Variants in NCAPH observed in about 807,000 individuals in gnomAD.
NCAPH encodes the protein non-SMC condensin I complex subunit H, also known as condensin complex subunit 2.
Under a neutral mutation model 85.5 loss-of-function variants are expected in NCAPH, and 38 were observed. The observed-to-expected ratio is 0.44, with a 90% CI of 0.34 to 0.58. NCAPH has a LOEUF of 0.58. NCAPH is among the 20% of genes least tolerant of loss of function. The probability of loss-of-function intolerance (pLI) is 0.01; values close to 1 mark genes in which losing one functional copy is unlikely to be tolerated. For synonymous variants in NCAPH, 301 were observed against 335.1 expected, an observed-to-expected ratio of 0.90 and a Z score of 1.11; for missense variants, 789 against 916.6, an observed-to-expected ratio of 0.86 and a Z score of 1.80.
intron 6 of NCAPH, among the ~76,000 whole-genome samples, chr2:96,348,540 G>C (rs1294345926): frequency 1.3e-5 from 2 of 151,812 alleles, no homozygotes; most frequent in Non-Finnish European, 2.9e-5. Flanking sequence ...ATCTGAAGTG[G>C]TATTATTTAT....
At chr2:96,336,454 A>G (rs1334194745) in intron 1 of NCAPH, among the ~76,000 whole-genome samples, 1 of 152,196 alleles carries the variant, frequency 6.6e-6, no homozygotes, top group Non-Finnish European at 1.5e-5. Flanking sequence ...TTAGGCAGAT[A>G]CTAGGGAACG....
chr2:96,357,761 A>G (rs745783062), intron 9 of NCAPH, among the ~76,000 whole-genome samples: 58 of 152,142 alleles, frequency 3.8e-4, no homozygotes, highest in Non-Finnish European at 6.8e-4. Flanking sequence ...TTGTTTTTTA[A>G]AATTCTGTAT....
intron 14 of NCAPH, 76 bp from the exon 15 acceptor site, chr2:96,367,181 C>T: frequency 2.0e-6 from 2 of 1,014,382 alleles, no homozygotes; most frequent in South Asian, 1.4e-5. Context: ...GAACTCCAGA[C>T]CTTTGTTTTT....
intron 17 of NCAPH, among the ~76,000 whole-genome samples, chr2:96,372,140 G>T (rs2064782827): frequency 6.6e-6 from 1 of 152,208 alleles, no homozygotes; most frequent in African/African-American, 2.4e-5. Context: ...GGCTGGTTGT[G>T]GTGAAGTTCG....
intron 12 of NCAPH, among the ~76,000 whole-genome samples, chr2:96,361,697 A>AAT (rs1292109008): frequency 6.7e-6 from 1 of 148,840 alleles, no homozygotes; most frequent in East Asian, 2.0e-4. Flanking sequence ...GGAGTGTATT[A>AAT]AGACTTTATA....
chr2:96,362,730 C>CT (rs1339132553), intron 12 of NCAPH, among the ~76,000 whole-genome samples: 13 of 152,162 alleles, frequency 8.5e-5, no homozygotes, highest in Non-Finnish European at 1.9e-4. Context: ...GATGATGTGA[C>CT]TACATTGGTA....
At chr2:96,342,282 A>C (rs1573064929) in intron 3 of NCAPH, 142 bp downstream of exon 3, 2 of 815,348 alleles carry the variant, frequency 2.5e-6, no homozygotes, top group African/African-American at 3.4e-5. Flanking sequence ...TTTACTGTTT[A>C]CTCTGGACCC....
At chr2:96,365,225 G>A (rs2064678308) in intron 13 of NCAPH, among the ~76,000 whole-genome samples, 1 of 152,146 alleles carries the variant, frequency 6.6e-6, no homozygotes, top group African/African-American at 2.4e-5. Flanking sequence ...GGAAAGGGGG[G>A]AACGAACTGG....
chr2:96,339,504 A>G (rs982900729), intron 1 of NCAPH, among the ~76,000 whole-genome samples: 4 of 150,940 alleles, frequency 2.7e-5, no homozygotes, highest in African/African-American at 7.3e-5. Flanking sequence ...AGGCAGGAGA[A>G]TTGCTTGAAC....
At chr2:96,350,587 G>T (rs1268968303) in intron 6 of NCAPH, among the ~76,000 whole-genome samples, 1 of 152,176 alleles carries the variant, frequency 6.6e-6, no homozygotes, top group Non-Finnish European at 1.5e-5. Flanking sequence ...GATGCACTGG[G>T]AGGAAACCGA....
At chr2:96,358,455 A>T (rs1314243766) in intron 9 of NCAPH, among the ~76,000 whole-genome samples, 2 of 152,048 alleles carry the variant, frequency 1.3e-5, no homozygotes, top group African/African-American at 4.8e-5. Context: ...CTAGCTGTAG[A>T]TTCTTACCCA....
At position 96,348,842 on chromosome 2, in the gene NCAPH, G is replaced by C. The variant is rs567306385; in HGVS notation, c.721-2989G>C. ...TTTTTGTATTTTTAGTAGAGATGGG[G>C]TTTCACCATGGTGACCAGGCTAGTC... On this transcript the variant is annotated intron_variant, in intron 6 of 17. Transcript: ENST00000240423. Among the ~76,000 whole-genome samples the C allele has an allele frequency of 2.0e-5, 3 of 151,894 alleles. No individual in the cohort carries two copies. In the East Asian group the frequency reaches 5.9e-4, roughly 30 times the overall value.
At chr2:96,369,618 T>G in intron 17 of NCAPH, 118 bp downstream of exon 17, 1 of 1,049,688 alleles carries the variant, frequency 9.5e-7, no homozygotes, top group Non-Finnish European at 1.4e-6. Context: ...CAGTGACTTA[T>G]GTAGCACCTT....
Position 96,366,175 on chromosome 2 carries a change from C to T in NCAPH, c.1881+117C>T, listed in dbSNP as rs114989216. The T allele has an allele frequency of 1.6e-3, 1,939 of 1,182,864 alleles. 3 individuals carry two copies. Among genetic ancestry groups the T allele is most frequent in the Non-Finnish European group, 2.0e-3 (1,728 of 846,182 alleles). 73.3% of individuals were successfully genotyped at this position (1,182,864 alleles called of 1,614,324 possible). ...TTTTCTTCTCAGTTTTAACCTGTTG[C>T]TCTCCAAGTTTTAAATAGGGTTGTG... On this transcript the variant is annotated intron_variant, in intron 14 of 17. Transcript: ENST00000240423.
intron 5 of NCAPH, 75 bp from the exon 6 acceptor site, chr2:96,344,030 A>G (rs1282566995): frequency 5.2e-6 from 8 of 1,538,366 alleles, no homozygotes; most frequent in African/African-American, 1.4e-5. Context: ...ACAGGTTTTG[A>G]AGAACTTGAG....
At position 96,354,192 on chromosome 2, in the gene NCAPH, G is replaced by GC; in HGVS notation, c.1015dup (p.Leu339ProfsTer6). On this transcript the variant is annotated frameshift_variant, in exon 9 of 18. Transcript: ENST00000240423. LOFTEE classifies it high-confidence loss of function. The stretch of plus-strand genomic sequence containing the variant: ...TCTTTTGTCCCTCCAGTCTGTGTCG[G>GC]CCCTGGTAGACAAGTTTAAGAAGAA... 6.2e-7 allele frequency: 1 copy of GC among 1,613,746 alleles called. No individual in the cohort carries two copies. Among genetic ancestry groups the GC allele is most frequent in the African/African-American group, 1.3e-5 (1 of 75,020 alleles).
intron 1 of NCAPH, among the ~76,000 whole-genome samples, chr2:96,337,043 T>C (rs928984974): frequency 6.6e-6 from 1 of 152,146 alleles, no homozygotes; most frequent in African/African-American, 2.4e-5. Context: ...TCTCATGAAG[T>C]TGGAATAGGA....
intron 6 of NCAPH, among the ~76,000 whole-genome samples, chr2:96,347,548 G>A (rs186451344): frequency 2.6e-5 from 4 of 152,230 alleles, no homozygotes; most frequent in South Asian, 2.1e-4. Flanking sequence ...CTAAGTGGGC[G>A]ATAGAGAGAA....
At position 96,375,390 on chromosome 2, in the gene NCAPH, G is replaced by A. The variant is rs2064821289; in HGVS notation, c.*2039G>A. ...GTATTAAGAGATAGGGCCTTTGGGA[G>A]GTGATTAGGTTATGAGGGCAGATCC... On this transcript the variant is annotated 3_prime_UTR_variant, in exon 18 of 18. Coordinates refer to ENST00000240423, the MANE Select transcript of NCAPH (RefSeq NM_015341.5). Among the ~76,000 whole-genome samples the A allele has an allele frequency of 6.6e-6, 1 of 152,188 alleles. No individual in the cohort carries two copies. The highest frequency in any genetic ancestry group is 2.4e-5 in the African/African-American group (1 of 41,440).
Sources: gnomAD v4.1 joint callset for allele counts (sites outside exome capture counted in the v4.1 genomes callset) on GRCh38, gnomAD v4.1.1 for gene constraint, MANE v1.5 for transcripts, NCBI Gene and HGNC (gene_info 2026-07-23, HGNC 2026-07-21) for gene names.